Variants in GEN1 observed in about 807,000 individuals in gnomAD.
The protein encoded by GEN1 is GEN1 structure-specific endonuclease.
A neutral mutation model predicts 67.6 loss-of-function variants in GEN1; 64 were observed. The ratio of observed to expected loss-of-function variants is 0.95; its 90% CI spans 0.77 to 1.17. The LOEUF (loss-of-function observed/expected upper bound fraction) is 1.17, where lower values mean the gene tolerates loss of function less well. Ranked by LOEUF, GEN1 falls within the 50% of genes most tolerant of loss-of-function variation. The pLI, the probability that GEN1 is intolerant of heterozygous loss-of-function variation, is 0.00. For missense variants in GEN1, 1,058 were observed against 1,048.3 expected, an observed-to-expected ratio of 1.01 and a Z score of -0.13; for synonymous variants, 371 against 359.4, an observed-to-expected ratio of 1.03 and a Z score of -0.37.
chr2:17,770,089 A>G (rs1384910434), intron 6 of GEN1, among the ~76,000 whole-genome samples: 2 of 152,184 alleles, frequency 1.3e-5, no homozygotes, highest in Non-Finnish European at 2.9e-5. Context: ...GGAAAGGTAT[A>G]ATTTGGCCTG....
rs1225090058 is a variant in GEN1, at chr2:17,759,963, G to A, written c.20G>A (p.Trp7Ter). The change falls in exon 2 of 14, where the codon TGG becomes TAG. Residue 7 changes from tryptophan (W) to a stop codon, truncating the protein, a stop_gained. Transcript: ENST00000381254. LOFTEE classifies it high-confidence loss of function. ...ACCAGAATGGGAGTGAATGACTTGT[G>A]GCAAATTTTGGAGCCTGTTAAGCAA... MGVNDL[W>*]QILEPVKQHI... 6.2e-7 allele frequency: 1 copy of A among 1,613,830 alleles called. No individual in the cohort carries two copies. Among genetic ancestry groups the A allele is most frequent in the South Asian group, 1.1e-5 (1 of 91,040 alleles).
At chr2:17,774,081 C>T (rs533221646) in intron 10 of GEN1, among the ~76,000 whole-genome samples, 190 bp from the exon 11 acceptor site, 10 of 152,112 alleles carry the variant, frequency 6.6e-5, no homozygotes, top group African/African-American at 1.7e-4. Flanking sequence ...GCGTTCAAAC[C>T]GAGAGCCTTC....
Position 17,781,006 on chromosome 2 carries a change from TC to T in GEN1, c.1796del (p.Pro599GlnfsTer12), listed in dbSNP as rs778291367. 10 of 1,613,648 alleles carry T rather than the reference TC, an allele frequency of 6.2e-6. No individual in the cohort carries two copies. The highest frequency in any genetic ancestry group is 8.5e-6 in the Non-Finnish European group (10 of 1,179,746). On this transcript the variant is annotated frameshift_variant, in exon 14 of 14. Transcript: ENST00000381254. LOFTEE classifies it low-confidence loss of function (END_TRUNC). ...GGGAAGGTACTTCTTTTAGTAATTC[TC>T]CAGCTATTCAAAGGAATACTTTTTC... ...DWEGTSFSNS[P>X]AIQRNTFSHD...
intron 5 of GEN1, 25 bp from the exon 6 acceptor site, chr2:17,768,713 T>A: frequency 6.5e-7 from 1 of 1,537,276 alleles, no homozygotes. Context: ...ACATTGGAAT[T>A]ATTTTTTTTC....
intron 13 of GEN1, 36 bp downstream of exon 13, chr2:17,780,157 G>A (rs1572423604): frequency 6.4e-7 from 1 of 1,563,392 alleles, no homozygotes; most frequent in South Asian, 1.1e-5. Flanking sequence ...TATGCCACAT[G>A]CAAATGTTAT....
At chr2:17,779,275 C>G (rs1311946114) in intron 12 of GEN1, among the ~76,000 whole-genome samples, 1 of 152,176 alleles carries the variant, frequency 6.6e-6, no homozygotes, top group Non-Finnish European at 1.5e-5. Context: ...TTTTCAGAAG[C>G]TATCACTAAA....
chr2:17,767,560 T>TA (rs1319340112), intron 5 of GEN1, among the ~76,000 whole-genome samples: 3 of 152,164 alleles, frequency 2.0e-5, no homozygotes, highest in African/African-American at 7.2e-5. Context: ...AAGAAACTTT[T>TA]AAATACCACA....
rs374176559 is a variant in GEN1, at chr2:17,780,653, C to T, written c.1441C>T (p.Pro481Ser). ...IKPKENNLPE[P>S]DEVMSFQSHM... ...GCCTAAAGAAAACAATTTGCCAGAACCAGATGAAGTAATGAGCTTTCAGTC... is the reference window on the plus strand; with the variant it reads ...GCCTAAAGAAAACAATTTGCCAGAATCAGATGAAGTAATGAGCTTTCAGTC... The change falls in exon 14 of 14, where the codon CCA becomes TCA. Residue 481 changes from proline (P) to serine (S), a missense_variant. By Grantham distance (74) the Pro-to-Ser change is moderately conservative (BLOSUM62 -1). Coordinates refer to ENST00000381254, the MANE Select transcript of GEN1 (RefSeq NM_001130009.3). The T allele has an allele frequency of 2.7e-4, 434 of 1,597,830 alleles. 1 individual carries two copies. Among genetic ancestry groups the T allele is most frequent in the Non-Finnish European group, 3.6e-4 (422 of 1,171,984 alleles).
chr2:17,768,741 G>A lies in GEN1; in HGVS notation c.640G>A (p.Val214Ile). ...TTTTTTTCCCACTTTCTGAAAGGGA[G>A]TCCCTGGAGTTGGAAAAGAGCAAGC... ...LLGCDYLPKG[V>I]PGVGKEQALK... The change falls in exon 6 of 14, where the codon GTC becomes ATC. Residue 214 changes from valine to isoleucine, a missense_variant. Transcript: ENST00000381254. The A allele has an allele frequency of 6.2e-7, 1 of 1,608,518 alleles. No homozygotes were observed. The highest frequency in any genetic ancestry group is 8.5e-7 in the Non-Finnish European group (1 of 1,176,104).
chr2:17,781,959 T>C lies in GEN1; in HGVS notation c.*20T>C. Reference sequence around the variant, plus strand: ...ACTTGAAATTTAAAACACTTAGGTATAACTTAACTATTTTAGTACTATCAG... The same window carrying C: ...ACTTGAAATTTAAAACACTTAGGTACAACTTAACTATTTTAGTACTATCAG... On this transcript the variant is annotated 3_prime_UTR_variant, in exon 14 of 14. Transcript: ENST00000381254. 1 of 1,336,750 alleles carries C rather than the reference T, an allele frequency of 7.5e-7. No individual in the cohort carries two copies. The highest frequency in any genetic ancestry group is 1.0e-6 in the Non-Finnish European group (1 of 969,456). 82.8% of individuals were successfully genotyped at this position (1,336,750 alleles called of 1,614,324 possible).
At chr2:17,760,286 C>T (rs1296542787) in intron 2 of GEN1, among the ~76,000 whole-genome samples, 182 bp downstream of exon 2, 2 of 152,088 alleles carry the variant, frequency 1.3e-5, no homozygotes, top group African/African-American at 2.4e-5. Context: ...GTACCTCTTA[C>T]CCTTTGAGCT....
intron 11 of GEN1, among the ~76,000 whole-genome samples, chr2:17,777,268 A>G (rs544629182): frequency 6.6e-6 from 1 of 152,306 alleles, no homozygotes; most frequent in Non-Finnish European, 1.5e-5. Context: ...AATTTAATAA[A>G]CTGACTAGAA....
rs1673113365 is a variant in GEN1 at position 17,788,087 on chromosome 2, A to C, written c.*6148A>C. The C allele has an allele frequency of 6.6e-6, 1 of 151,484 alleles. No individual in the cohort carries two copies. The highest frequency in any genetic ancestry group is 2.4e-5 in the African/African-American group (1 of 40,836). 9.4% of individuals were successfully genotyped at this position (151,484 alleles called of 1,614,324 possible). A position where few individuals can be genotyped will look rare whatever the true frequency, so the allele number is the denominator to read the frequency against. On this transcript the variant is annotated 3_prime_UTR_variant, in exon 14 of 14. Coordinates refer to ENST00000381254, the MANE Select transcript of GEN1 (RefSeq NM_001130009.3). Reference sequence around the variant, plus strand: ...TTTAGCCACTTCAAGACGCCCTGCCAAGATGCTTGCTTTCTGAAGGTGAAG... The same window carrying C: ...TTTAGCCACTTCAAGACGCCCTGCCCAGATGCTTGCTTTCTGAAGGTGAAG...
upstream of GEN1, chr2:17,754,064 G>T (rs570736679): frequency 1.3e-5 from 2 of 152,344 alleles, no homozygotes; most frequent in African/African-American, 2.4e-5. Context: ...GCCGGCAAGG[G>T]AAAGCCGAGC....
chr2:17,761,125 G>A (rs1021693302), intron 2 of GEN1, among the ~76,000 whole-genome samples: 9 of 151,814 alleles, frequency 5.9e-5, no homozygotes, highest in East Asian at 1.9e-4. Context: ...CCAGCTGCTT[G>A]GGGACTGAGG....
intron 5 of GEN1, among the ~76,000 whole-genome samples, chr2:17,768,243 T>A (rs1208517936): frequency 6.6e-6 from 1 of 152,216 alleles, no homozygotes; most frequent in Non-Finnish European, 1.5e-5. Context: ...TATTGGAAAT[T>A]CACACTTTAA....
chr2:17,781,545 G>GT lies in GEN1; in HGVS notation c.2334dup (p.Arg779Ter). The GT allele has an allele frequency of 6.2e-7, 1 of 1,613,846 alleles. No individual in the cohort carries two copies. The highest frequency in any genetic ancestry group is 1.1e-5 in the South Asian group (1 of 91,078). ...CCACCAAATACTGCTTTAGATCATA[G>GT]TAGAAAAGTTGATATGCAAACCACT... is the stretch of plus-strand genomic sequence containing the variant. On this transcript the variant is annotated frameshift_variant, in exon 14 of 14. Coordinates refer to ENST00000381254, the MANE Select transcript of GEN1 (RefSeq NM_001130009.3). LOFTEE classifies it low-confidence loss of function (END_TRUNC).
intron 12 of GEN1, 149 bp downstream of exon 12, chr2:17,778,212 A>G (rs1240007311): frequency 8.5e-6 from 4 of 472,216 alleles, no homozygotes; most frequent in Non-Finnish European, 1.6e-5. Context: ...ATGTGTATAT[A>G]TATGTATACA....
chr2:17,753,381 G>A (rs1671189955), upstream of GEN1, among the ~76,000 whole-genome samples: 1 of 152,210 alleles, frequency 6.6e-6, no homozygotes, highest in African/African-American at 2.4e-5. Flanking sequence ...CGGAGCAGAC[G>A]CCAGGTTTCC....
Sources: gnomAD v4.1 joint callset for allele counts (sites outside exome capture counted in the v4.1 genomes callset) on GRCh38, gnomAD v4.1.1 for gene constraint, MANE v1.5 for transcripts, NCBI Gene and HGNC (gene_info 2026-07-23, HGNC 2026-07-21) for gene names.